PCDH15: variants seen among roughly 807,000 people sequenced by gnomAD.
The protein encoded by PCDH15 is protocadherin-15.
Under a neutral mutation model 178.5 loss-of-function variants are expected in PCDH15, and 129 were observed. That is an observed-to-expected ratio of 0.72 (90% confidence interval 0.63 to 0.84). The LOEUF (loss-of-function observed/expected upper bound fraction) is 0.84. Among genes scored for constraint, PCDH15 ranks in the 40% least tolerant of loss-of-function variants. The probability of loss-of-function intolerance (pLI) is 0.00; values close to 1 mark genes in which losing one functional copy is unlikely to be tolerated. For synonymous variants in PCDH15, 800 were observed against 732.0 expected (o/e 1.09, Z -1.50); for missense variants, 2,230 against 2,099.9 (o/e 1.06, Z -1.21).
chr10:55,377,589 T>A (rs866990794), intron 2 of PCDH15, among the ~76,000 whole-genome samples: 14 of 152,074 alleles, frequency 9.2e-5, no homozygotes, highest in African/African-American at 2.9e-4. Flanking sequence ...TAAAAATAAT[T>A]CAATAAAATA....
At chr10:54,450,068 G>A (rs563234376) in intron 3 of PCDH15, among the ~76,000 whole-genome samples, 49 of 149,860 alleles carry the variant, frequency 3.3e-4, no homozygotes, top group African/African-American at 1.2e-3. Context: ...GAACCTCTCG[G>A]GAAAACCATT....
intron 1 of PCDH15, among the ~76,000 whole-genome samples, chr10:54,753,926 C>T (rs1416404183): frequency 2.8e-5 from 4 of 141,742 alleles, no homozygotes; most frequent in East Asian, 2.2e-4. Flanking sequence ...CTGAATCTCG[C>T]TCTGTTGCCC....
intron 3 of PCDH15, among the ~76,000 whole-genome samples, chr10:54,523,849 A>T (rs954668683): frequency 6.6e-6 from 1 of 152,194 alleles, no homozygotes; most frequent in Non-Finnish European, 1.5e-5. Flanking sequence ...ATATTTGATC[A>T]TAAGGAATGG....
intron 3 of PCDH15, among the ~76,000 whole-genome samples, chr10:54,817,380 T>C (rs1440337588): frequency 6.6e-6 from 1 of 152,014 alleles, no homozygotes; most frequent in Non-Finnish European, 1.5e-5. Flanking sequence ...TTTTCTATTA[T>C]CACACAACTA....
chr10:54,839,781 C>A (rs2133759766), intron 3 of PCDH15, among the ~76,000 whole-genome samples: 1 of 152,096 alleles, frequency 6.6e-6, no homozygotes, highest in East Asian at 1.9e-4. Flanking sequence ...CAACTCATCA[C>A]ATACAAGGGA....
intron 2 of PCDH15, among the ~76,000 whole-genome samples, chr10:55,435,365 C>T (rs1478066275): frequency 6.6e-6 from 1 of 152,052 alleles, no homozygotes; most frequent in African/African-American, 2.4e-5. Flanking sequence ...TTTTACCTCG[C>T]ATTTTTGATA....
chr10:54,082,016 C>T (rs7921902), intron 16 of PCDH15, among the ~76,000 whole-genome samples: 96,074 of 152,050 alleles, frequency 0.63, 31,858 homozygotes, highest in African/African-American at 0.85. Context: ...TAGAAGAACT[C>T]TGTGGCATTT....
At chr10:53,878,467 C>T (rs1284205558) in intron 26 of PCDH15, among the ~76,000 whole-genome samples, 2 of 114,832 alleles carry the variant, frequency 1.7e-5, no homozygotes, top group Non-Finnish European at 1.8e-5. Flanking sequence ...GTGTGTATGC[C>T]ATAGTATAGT....
At chr10:53,828,720 T>C in intron 30 of PCDH15, 147 bp from the exon 31 acceptor site, 1 of 690,172 alleles carries the variant, frequency 1.4e-6, no homozygotes, top group Non-Finnish European at 2.5e-6. Context: ...CTAAGAAAAC[T>C]AAGGATATCA....
chr10:54,154,585 G>C (rs982830426), intron 13 of PCDH15, among the ~76,000 whole-genome samples: 32 of 152,010 alleles, frequency 2.1e-4, no homozygotes, highest in African/African-American at 7.5e-4. Context: ...CCATTCAAAA[G>C]TTCATGTTTA....
chr10:55,099,110 T>C (rs538508223), intron 2 of PCDH15, among the ~76,000 whole-genome samples: 61 of 152,068 alleles, frequency 4.0e-4, no homozygotes, highest in Non-Finnish European at 7.2e-4. Flanking sequence ...TTTTACTCTA[T>C]TTCATTTTTT....
intron 1 of PCDH15, among the ~76,000 whole-genome samples, chr10:55,294,299 C>A (rs1410130278): frequency 6.6e-6 from 1 of 152,164 alleles, no homozygotes; most frequent in Non-Finnish European, 1.5e-5. Context: ...GGTAGGGACC[C>A]AGCCATACCA....
intron 8 of PCDH15, among the ~76,000 whole-genome samples, chr10:54,305,583 C>T (rs577127745): frequency 6.6e-6 from 1 of 152,086 alleles, no homozygotes; most frequent in South Asian, 2.1e-4. Context: ...TAGGGAAAGT[C>T]TCTGTTTTCA....
At chr10:53,929,524 A>C (rs2133963217) in intron 25 of PCDH15, among the ~76,000 whole-genome samples, 1 of 152,278 alleles carries the variant, frequency 6.6e-6, no homozygotes, top group South Asian at 2.1e-4. Context: ...TTTAGGACTA[A>C]AAAATAATAT....
chr10:55,020,072 G>A (rs972148726), intron 2 of PCDH15, among the ~76,000 whole-genome samples: 5 of 149,710 alleles, frequency 3.3e-5, no homozygotes, highest in African/African-American at 9.8e-5. Context: ...GAAAATCGTA[G>A]TGGATTAATA....
intron 3 of PCDH15, among the ~76,000 whole-genome samples, chr10:54,490,396 G>T (rs2079476462): frequency 6.6e-6 from 1 of 152,004 alleles, no homozygotes; most frequent in Non-Finnish European, 1.5e-5. Context: ...CTTGCAGTGA[G>T]CTGAGATCAC....
At chr10:55,081,546 G>A (rs1205342563) in intron 2 of PCDH15, among the ~76,000 whole-genome samples, 1 of 152,150 alleles carries the variant, frequency 6.6e-6, no homozygotes, top group Non-Finnish European at 1.5e-5. Flanking sequence ...CCAGTTAGGA[G>A]GCAAGGCCTT....
chr10:54,763,004 C>T lies in PCDH15; in HGVS notation c.-29+37921G>A, dbSNP rs1296441703. Among the ~76,000 whole-genome samples, 6 of 152,248 alleles carry T rather than the reference C, an allele frequency of 3.9e-5. No individual in the cohort carries two copies. The East Asian group carries it at 7.7e-4, about 20-fold the overall frequency. The stretch of plus-strand genomic sequence containing the variant: ...AATTTAAATTCATTCTAGAAACTTG[C>T]AGTTAATCCCTGATTACTTGTCATG... On this transcript the variant is annotated intron_variant, in intron 1 of 37. Coordinates refer to ENST00000644397, the MANE Select transcript of PCDH15 (RefSeq NM_001384140.1).
intron 1 of PCDH15, among the ~76,000 whole-genome samples, chr10:55,196,201 C>T (rs146885965): frequency 1.3e-5 from 2 of 152,068 alleles, no homozygotes; most frequent in Non-Finnish European, 1.5e-5. Context: ...CGACCTCCTA[C>T]ACAAGTTTAT....
Sources: gnomAD v4.1 joint callset for allele counts (sites outside exome capture counted in the v4.1 genomes callset) on GRCh38, gnomAD v4.1.1 for gene constraint, MANE v1.5 for transcripts, NCBI Gene and HGNC (gene_info 2026-07-23, HGNC 2026-07-21) for gene names.